ZBTB7C: variants seen among roughly 807,000 people sequenced by gnomAD.
The protein encoded by ZBTB7C is zinc finger and BTB domain-containing protein 7C.
ZBTB7C carries 8 observed loss-of-function variants against 25.7 expected under a neutral mutation model. That is an observed-to-expected ratio of 0.31 (90% CI 0.18 to 0.56). The LOEUF (loss-of-function observed/expected upper bound fraction) is 0.56. ZBTB7C is among the 20% of genes least tolerant of loss of function. The pLI is 0.91. For synonymous variants in ZBTB7C, 394 were observed against 369.0 expected (o/e 1.07, Z -0.78); for missense variants, 824 against 855.2 (o/e 0.96, Z 0.46).
intron 3 of ZBTB7C, among the ~76,000 whole-genome samples, chr18:48,061,740 A>G (rs2037134480): frequency 6.6e-6 from 1 of 152,212 alleles, no homozygotes; most frequent in African/African-American, 2.4e-5. Flanking sequence ...ACTGGACGGG[A>G]ATGTAAGTTC....
Position 48,064,692 on chromosome 18 carries a change from G to A in ZBTB7C, c.-16-23569C>T, listed in dbSNP as rs60065206. On this transcript the variant is annotated intron_variant, in intron 3 of 4. Coordinates refer to ENST00000590800, the MANE Select transcript of ZBTB7C (RefSeq NM_001318841.2). ...TGGGAAGTTGAGGCTGCAGTGAGCC[G>A]TCTTCACACCACTGCACTCTAGCCT... 7.3e-3 allele frequency among the ~76,000 whole-genome samples: 1,106 copies of A among 152,250 alleles called. 18 individuals carry two copies. Among genetic ancestry groups the A allele is most frequent in the African/African-American group, 0.025 (1,054 of 41,528 alleles).
At chr18:48,201,527 G>A (rs555412683) in intron 2 of ZBTB7C, among the ~76,000 whole-genome samples, 30 of 152,032 alleles carry the variant, frequency 2.0e-4, no homozygotes, top group Non-Finnish European at 3.8e-4. Context: ...CATGGCATTC[G>A]ATTTTCCACA....
intron 2 of ZBTB7C, among the ~76,000 whole-genome samples, chr18:48,260,861 T>C (rs1292106243): frequency 6.6e-6 from 1 of 152,202 alleles, no homozygotes; most frequent in Non-Finnish European, 1.5e-5. Context: ...TCTGAGCATC[T>C]TGCCTTCTCC....
chr18:48,361,394 A>ATCACAGAG (rs1439920920), intron 1 of ZBTB7C, among the ~76,000 whole-genome samples: 1 of 152,202 alleles, frequency 6.6e-6, no homozygotes, highest in Non-Finnish European at 1.5e-5. Flanking sequence ...ACACAGCCCC[A>ATCACAGAG]TCACAGAGTC....
chr18:48,366,304 A>G lies in ZBTB7C; in HGVS notation c.-303-27906T>C, dbSNP rs139670360. Among the ~76,000 whole-genome samples, 272 of 152,384 alleles carry G rather than the reference A, an allele frequency of 1.8e-3. 2 individuals are homozygous for G. The highest frequency in any genetic ancestry group is 6.3e-3 in the African/African-American group (261 of 41,588). ...GAAAAAAGTTTGGATGACATGTATGAAAGACCTAAACAAAAAATGAAACTA... is the reference window on the plus strand; with the variant it reads ...GAAAAAAGTTTGGATGACATGTATGGAAGACCTAAACAAAAAATGAAACTA... On this transcript the variant is annotated intron_variant, in intron 1 of 4. Coordinates refer to ENST00000590800, the MANE Select transcript of ZBTB7C (RefSeq NM_001318841.2).
intron 3 of ZBTB7C, among the ~76,000 whole-genome samples, chr18:48,158,378 C>G (rs561931960): frequency 4.6e-5 from 7 of 152,258 alleles, no homozygotes; most frequent in Non-Finnish European, 1.0e-4. Flanking sequence ...GCCACCGACA[C>G]ACACACAGGA....
intron 2 of ZBTB7C, among the ~76,000 whole-genome samples, chr18:48,193,106 G>A (rs376923834): frequency 4.6e-5 from 7 of 152,216 alleles, no homozygotes; most frequent in African/African-American, 1.7e-4. Flanking sequence ...CCAACTTGAA[G>A]TGCAACCATG....
At chr18:48,054,143 G>A (rs2036816559) in intron 3 of ZBTB7C, among the ~76,000 whole-genome samples, 1 of 152,142 alleles carries the variant, frequency 6.6e-6, no homozygotes. Flanking sequence ...TGGGTGGGAC[G>A]GTGAGGCAGG....
intron 1 of ZBTB7C, among the ~76,000 whole-genome samples, chr18:48,343,327 TG>T (rs1439279957): frequency 1.3e-5 from 2 of 152,182 alleles, no homozygotes; most frequent in African/African-American, 4.8e-5. Flanking sequence ...AGATTTGCCC[TG>T]TGTTTGTCCC....
intron 2 of ZBTB7C, among the ~76,000 whole-genome samples, chr18:48,325,958 C>A (rs1488342631): frequency 6.6e-6 from 1 of 152,136 alleles, no homozygotes. Flanking sequence ...TATTATCTAA[C>A]AGCTCAGGAA....
At chr18:48,213,234 A>G (rs1320249028) in intron 2 of ZBTB7C, among the ~76,000 whole-genome samples, 1 of 152,192 alleles carries the variant, frequency 6.6e-6, no homozygotes, top group Non-Finnish European at 1.5e-5. Flanking sequence ...GCTGTCCTTT[A>G]ACTTTCTCAA....
chr18:48,040,799 A>G lies in ZBTB7C; in HGVS notation c.309T>C (p.Asn103=). 1.2e-6 allele frequency: 2 copies of G among 1,613,830 alleles called. No homozygotes were observed. Among genetic ancestry groups the G allele is most frequent in the Non-Finnish European group, 1.7e-6 (2 of 1,179,886 alleles). Residue 103 remains asparagine (N), a synonymous_variant, in exon 4 of 5, where the codon AAT becomes AAC. Coordinates refer to ENST00000590800, the MANE Select transcript of ZBTB7C (RefSeq NM_001318841.2). ...TGGCTGCGTTGAGGATGTGCTTGAC[A>G]TTGCCAGCGGTGATGGTGAGCGTGG... ...YTSTLTITAG[N]VKHILNAARM...
At chr18:48,168,970 G>A (rs947843075) in intron 3 of ZBTB7C, among the ~76,000 whole-genome samples, 5 of 152,214 alleles carry the variant, frequency 3.3e-5, no homozygotes, top group African/African-American at 1.2e-4. Flanking sequence ...GAAGGGAAGT[G>A]GCTGAGGTAA....
At chr18:48,073,687 A>G (rs2037644030) in intron 3 of ZBTB7C, among the ~76,000 whole-genome samples, 3 of 148,562 alleles carry the variant, frequency 2.0e-5, no homozygotes, top group Admixed American at 2.0e-4. Context: ...CCTTATTTCC[A>G]GGGCTGAGTC....
chr18:48,318,920 C>T (rs1404389227), intron 2 of ZBTB7C, among the ~76,000 whole-genome samples: 1 of 152,180 alleles, frequency 6.6e-6, no homozygotes, highest in Non-Finnish European at 1.5e-5. Flanking sequence ...AAGGGCTCAG[C>T]CTGCTGGAGT....
At chr18:48,218,220 A>G (rs1272503181) in intron 2 of ZBTB7C, among the ~76,000 whole-genome samples, 5 of 152,130 alleles carry the variant, frequency 3.3e-5, no homozygotes, top group African/African-American at 1.2e-4. Context: ...CCAGGCCTGC[A>G]CAGTCAGGGT....
intron 3 of ZBTB7C, among the ~76,000 whole-genome samples, chr18:48,138,423 G>T (rs1472531982): frequency 6.6e-6 from 1 of 152,240 alleles, no homozygotes; most frequent in African/African-American, 2.4e-5. Flanking sequence ...GGCAGGAAAG[G>T]TCGGGTCTCT....
chr18:48,213,431 A>C (rs2042748303), intron 2 of ZBTB7C, among the ~76,000 whole-genome samples: 1 of 151,668 alleles, frequency 6.6e-6, no homozygotes. Context: ...ACTTGCATTG[A>C]GTGGGACCCA....
chr18:48,213,299 C>T (rs144533820), intron 2 of ZBTB7C, among the ~76,000 whole-genome samples: 11 of 152,278 alleles, frequency 7.2e-5, no homozygotes, highest in South Asian at 2.1e-4. Context: ...GTTTTCTGTC[C>T]GCAAACCCTC....
Sources: gnomAD v4.1 joint callset for allele counts (sites outside exome capture counted in the v4.1 genomes callset) on GRCh38, gnomAD v4.1.1 for gene constraint, MANE v1.5 for transcripts, NCBI Gene and HGNC (gene_info 2026-07-23, HGNC 2026-07-21) for gene names.